The following ANKAR variants were observed in gnomAD, a reference collection of about 807,000 sequenced individuals.
ANKAR encodes the protein ankyrin and armadillo repeat containing, also known as ankyrin and armadillo repeat-containing protein.
A neutral mutation model predicts 146.2 loss-of-function variants in ANKAR; 136 were observed. That is an observed-to-expected ratio of 0.93 (90% CI 0.81 to 1.07). ANKAR has a LOEUF of 1.07. Ranked by LOEUF, ANKAR falls within the 50% of genes least tolerant of loss-of-function variation. The pLI is 0.00. For synonymous variants in ANKAR, 500 were observed against 575.8 expected, an observed-to-expected ratio of 0.87 and a Z score of 1.88; for missense variants, 1,567 against 1,679.9, an observed-to-expected ratio of 0.93 and a Z score of 1.18.
Position 189,743,408 on chromosome 2 carries a change from G to T in ANKAR, c.3944G>T (p.Ser1315Ile). Residue 1315 changes from serine (S) to isoleucine (I), a missense_variant, in exon 21 of 23, where the codon AGT (serine) becomes ATT (isoleucine). Coordinates refer to ENST00000684021, the MANE Select transcript of ANKAR (RefSeq NM_001378068.1). ...AAAAATAATATCAGCAGAGATGCAA[G>T]TATTAACCCAGCATTTTTAAAGGAA... ...RIKNNISRDA[S>I]INPAFLKEFQ... 6.2e-7 allele frequency: 1 copy of T among 1,613,994 alleles called. No homozygotes were observed. Among genetic ancestry groups the T allele is most frequent in the East Asian group, 2.2e-5 (1 of 44,858 alleles).
At chr2:189,726,575 C>T (rs932335321) in intron 12 of ANKAR, among the ~76,000 whole-genome samples, 6 of 152,086 alleles carry the variant, frequency 3.9e-5, no homozygotes, top group African/African-American at 1.4e-4. Context: ...ATGTCTATGT[C>T]ATAAGAGACC....
At chr2:189,740,767 C>A (rs922999298) in intron 19 of ANKAR, among the ~76,000 whole-genome samples, 2 of 151,664 alleles carry the variant, frequency 1.3e-5, no homozygotes, top group African/African-American at 4.8e-5. Flanking sequence ...GATCTCTGCT[C>A]ACTGCAACCT....
At chr2:189,688,261 G>A (rs901623365) in intron 2 of ANKAR, among the ~76,000 whole-genome samples, 1 of 152,116 alleles carries the variant, frequency 6.6e-6, no homozygotes, top group Non-Finnish European at 1.5e-5. Flanking sequence ...TGTTGAAAAT[G>A]AGTTCATTGT....
intron 7 of ANKAR, 146 bp downstream of exon 7, chr2:189,696,515 C>G: frequency 1.4e-6 from 1 of 716,098 alleles, no homozygotes; most frequent in Non-Finnish European, 2.2e-6. Context: ...CTAAGAAAGG[C>G]TTCTTTTAGT....
intron 7 of ANKAR, among the ~76,000 whole-genome samples, chr2:189,703,398 G>A (rs76569987): frequency 6.6e-6 from 1 of 152,078 alleles, no homozygotes; most frequent in Non-Finnish European, 1.5e-5. Context: ...GAAATAAGAG[G>A]GAGGTGCCAA....
At chr2:189,722,520 C>G (rs1166771679) in intron 12 of ANKAR, among the ~76,000 whole-genome samples, 1 of 151,432 alleles carries the variant, frequency 6.6e-6, no homozygotes, top group Non-Finnish European at 1.5e-5. Flanking sequence ...TTTCTCAATC[C>G]CAGATGCTGT....
intron 2 of ANKAR, among the ~76,000 whole-genome samples, chr2:189,682,814 T>C (rs1369719625): frequency 5.3e-5 from 8 of 152,172 alleles, no homozygotes; most frequent in Non-Finnish European, 1.5e-5. Context: ...GCTGTCGAGC[T>C]TTTTCACCAC....
chr2:189,723,939 A>C (rs1363045927), intron 12 of ANKAR, among the ~76,000 whole-genome samples: 1 of 152,200 alleles, frequency 6.6e-6, no homozygotes, highest in African/African-American at 2.4e-5. Context: ...GGTCCAAATG[A>C]GAAATAGACA....
At chr2:189,719,038 C>T (rs1268807531) in intron 10 of ANKAR, among the ~76,000 whole-genome samples, 6 of 152,270 alleles carry the variant, frequency 3.9e-5, no homozygotes, top group East Asian at 3.9e-4. Flanking sequence ...CGTGAGCCAC[C>T]GCGCCCGGCC....
intron 9 of ANKAR, among the ~76,000 whole-genome samples, chr2:189,710,717 C>T (rs2039572902): frequency 6.6e-6 from 1 of 152,276 alleles, no homozygotes; most frequent in East Asian, 1.9e-4. Context: ...TGGTAGATTA[C>T]CTGAGCCCAG....
At chr2:189,696,713 T>A (rs1243064066) in intron 7 of ANKAR, among the ~76,000 whole-genome samples, 2 of 152,186 alleles carry the variant, frequency 1.3e-5, no homozygotes, top group Non-Finnish European at 2.9e-5. Flanking sequence ...AATGCATGGA[T>A]GGGTGAAGGC....
chr2:189,750,100 C>G (rs183559823), downstream of ANKAR, among the ~76,000 whole-genome samples: 38 of 152,184 alleles, frequency 2.5e-4, no homozygotes, highest in Non-Finnish European at 4.1e-4. Context: ...GCAATCCAGC[C>G]TGGGTGACAG....
Position 189,696,389 on chromosome 2 carries a change from C to A in ANKAR, c.1708+20C>A. On this transcript the variant is annotated intron_variant, in intron 7 of 22. Transcript: ENST00000684021. ...GCCAAGGTACCATAAAGTTTTTTAA[C>A]CTAAAATGTTGTTATTTTATTTACC... 1.9e-6 allele frequency: 3 copies of A among 1,596,686 alleles called. No individual in the cohort carries two copies. The highest frequency in any genetic ancestry group is 2.6e-6 in the Non-Finnish European group (3 of 1,171,886).
chr2:189,733,932 CTTT>C (rs1276323220), intron 17 of ANKAR, among the ~76,000 whole-genome samples: 1 of 151,942 alleles, frequency 6.6e-6, no homozygotes, highest in Non-Finnish European at 1.5e-5. Context: ...CTCAGCCCTT[CTTT>C]GTTTTTCATG....
intron 10 of ANKAR, among the ~76,000 whole-genome samples, chr2:189,713,524 G>A (rs2039995059): frequency 6.6e-6 from 1 of 152,126 alleles, no homozygotes; most frequent in African/African-American, 2.4e-5. Flanking sequence ...AGCTTCATAA[G>A]TGAAGGAGAA....
intron 18 of ANKAR, among the ~76,000 whole-genome samples, chr2:189,757,558 GTCA>G (rs1212627062): frequency 6.6e-6 from 1 of 152,186 alleles, no homozygotes; most frequent in African/African-American, 2.4e-5. Flanking sequence ...TGAGTTAGTG[GTCA>G]TTATTATCAT....
intron 4 of ANKAR, 115 bp from the exon 5 acceptor site, chr2:189,692,959 G>A (rs1400554256): frequency 1.9e-6 from 1 of 533,570 alleles, no homozygotes; most frequent in Non-Finnish European, 3.2e-6. Flanking sequence ...CGGGTCTTCT[G>A]GAATAGTAAA....
chr2:189,719,289 T>C (rs1035592129), intron 10 of ANKAR, among the ~76,000 whole-genome samples: 1 of 152,182 alleles, frequency 6.6e-6, no homozygotes, highest in Non-Finnish European at 1.5e-5. Context: ...GAAGCCAGAA[T>C]TCAGTGTTTC....
In ANKAR at chr2:189,745,027, C is replaced by CTACTACTACTACTACTAATAA. The variant is rs376824673; in HGVS notation, c.4057+241_4057+242insCTACTACTACTACTAATAATA. Among the ~76,000 whole-genome samples the CTACTACTACTACTACTAATAA allele has an allele frequency of 7.3e-3, 951 of 131,070 alleles. 5 individuals carry two copies. Among genetic ancestry groups the CTACTACTACTACTACTAATAA allele is most frequent in the East Asian group, 0.029 (131 of 4,470 alleles). The allele number at this position is 131,070 out of a possible 152,430, so 86.0% of individuals were successfully genotyped here. Reference sequence around the variant, plus strand: ...ACTACTACTACTACTACTACTACTACTAATAATACAAAAATTAGCCAGGCA... The same window carrying CTACTACTACTACTACTAATAA: ...ACTACTACTACTACTACTACTACTACTACTACTACTACTACTAATAATAATAATACAAAAATTAGCCAGGCA... On this transcript the variant is annotated intron_variant, in intron 22 of 22. Coordinates refer to ENST00000684021, the MANE Select transcript of ANKAR (RefSeq NM_001378068.1).
Sources: gnomAD v4.1 joint callset for allele counts (sites outside exome capture counted in the v4.1 genomes callset) on GRCh38, gnomAD v4.1.1 for gene constraint, MANE v1.5 for transcripts, NCBI Gene and HGNC (gene_info 2026-07-23, HGNC 2026-07-21) for gene names.